Variants in CCL8 observed in about 807,000 individuals in gnomAD.
The protein encoded by CCL8 is C-C motif chemokine ligand 8, also known as C-C motif chemokine 8.
In CCL8, 3 loss-of-function variants were observed where a neutral mutation model predicts 6.6. That is an observed-to-expected ratio of 0.45 (90% CI 0.21 to 1.17). The LOEUF is 1.17. Among genes scored for constraint, CCL8 ranks in the 50% most tolerant of loss-of-function variants. The probability of loss-of-function intolerance (pLI) is 0.24; values close to 1 mark genes in which losing one functional copy is unlikely to be tolerated. For synonymous variants in CCL8, 49 were observed against 41.8 expected, an observed-to-expected ratio of 1.17 and a Z score of -0.67; for missense variants, 127 against 118.1, an observed-to-expected ratio of 1.08 and a Z score of -0.35.
intron 1 of CCL8, among the ~76,000 whole-genome samples, chr17:34,320,055 T>C (rs1022302650): frequency 1.3e-5 from 2 of 152,182 alleles, no homozygotes; most frequent in Non-Finnish European, 2.9e-5. Flanking sequence ...AGCTTGTTAC[T>C]CAAAATGTTT....
At chr17:34,319,664 C>G in intron 1 of CCL8, 87 bp downstream of exon 1, 1 of 1,045,510 alleles carries the variant, frequency 9.6e-7, no homozygotes, top group South Asian at 1.4e-5. Flanking sequence ...AAAACCAGAA[C>G]TAAAGGCTCA....
In CCL8 at chr17:34,321,242, A is replaced by G. The variant is rs1274446837; in HGVS notation, c.*335A>G. ...GTAGTGTTGTGGGGTCCTCCCATGG[A>G]TCATCAAGGTGAAACACTTTGGTAT... On this transcript the variant is annotated 3_prime_UTR_variant, in exon 3 of 3. Coordinates refer to ENST00000394620, the MANE Select transcript of CCL8 (RefSeq NM_005623.3). The G allele has an allele frequency of 4.2e-6, 1 of 236,284 alleles. No homozygotes were observed. Among genetic ancestry groups the G allele is most frequent in the African/African-American group, 2.3e-5 (1 of 42,812 alleles). 14.6% of individuals were successfully genotyped at this position (236,284 alleles called of 1,614,324 possible).
Position 34,320,993 on chromosome 17 carries a change from T to C in CCL8, c.*86T>C, listed in dbSNP as rs1909507220. The C allele has an allele frequency of 2.8e-6, 2 of 710,306 alleles. No homozygotes were observed. Among genetic ancestry groups the C allele is most frequent in the East Asian group, 6.0e-5 (2 of 33,446 alleles). 44.0% of individuals were successfully genotyped at this position (710,306 alleles called of 1,614,324 possible). A position where few individuals can be genotyped will look rare whatever the true frequency, so the allele number is the denominator to read the frequency against. ...TCCCCCAGGTGCAGTGTGACATTATTTTATTATAACATCCACAAAGAGATT... is the reference window on the plus strand; with the variant it reads ...TCCCCCAGGTGCAGTGTGACATTATCTTATTATAACATCCACAAAGAGATT... On this transcript the variant is annotated 3_prime_UTR_variant, in exon 3 of 3. Transcript: ENST00000394620.
At position 34,320,839 on chromosome 17, in the gene CCL8, C is replaced by T. The variant is rs151055256; in HGVS notation, c.232C>T (p.Pro78Ser). 4.3e-5 allele frequency: 69 copies of T among 1,611,172 alleles called. 1 individual carries two copies. The African/African-American group carries it at 7.5e-4, about 17-fold the overall frequency. The stretch of plus-strand genomic sequence containing the variant: ...ACGGGGCAAGGAGGTCTGTGCTGAC[C>T]CCAAGGAGAGATGGGTCAGGGATTC... ...TKRGKEVCAD[P>S]KERWVRDSMK... The change falls in exon 3 of 3, where the codon CCC (proline) becomes TCC (serine). Residue 78 changes from proline to serine, a missense_variant. By Grantham distance (74) the Pro-to-Ser change is moderately conservative (BLOSUM62 -1). Coordinates refer to ENST00000394620, the MANE Select transcript of CCL8 (RefSeq NM_005623.3).
At chr17:34,319,687 TGG>T in intron 1 of CCL8, 110 bp downstream of exon 1, 1 of 804,178 alleles carries the variant, frequency 1.2e-6, no homozygotes, top group Non-Finnish European at 2.0e-6. Flanking sequence ...TCACTGAGGC[TGG>T]TTCCCTTGAT....
At position 34,320,783 on chromosome 17, in the gene CCL8, T is replaced by C. The variant is rs1268137016; in HGVS notation, c.195-19T>C. The C allele has an allele frequency of 6.8e-7, 1 of 1,481,198 alleles. No homozygotes were observed. The allele number at this position is 1,481,198 out of a possible 1,614,324, so 91.8% of individuals were successfully genotyped here. On this transcript the variant is annotated intron_variant, in intron 2 of 2. Coordinates refer to ENST00000394620, the MANE Select transcript of CCL8 (RefSeq NM_005623.3). ...ATCTTCAAAGTCTTCCATCTAATTG[T>C]GCCCTCTCTCCCCCACAGCTTCAAG...
At chr17:34,320,752 T>C in intron 2 of CCL8, 50 bp from the exon 3 acceptor site, 1 of 1,201,852 alleles carries the variant, frequency 8.3e-7, no homozygotes. Context: ...CACAGTCCTG[T>C]GCAGGATCTT....
At position 34,319,481 on chromosome 17, in the gene CCL8, C is replaced by T. The variant is rs199714946; in HGVS notation, c.-21C>T. The T allele has an allele frequency of 3.0e-5, 49 of 1,611,786 alleles. No homozygotes were observed. The highest frequency in any genetic ancestry group is 4.1e-5 in the Non-Finnish European group (48 of 1,178,238). On this transcript the variant is annotated 5_prime_UTR_variant, in exon 1 of 3. Transcript: ENST00000394620. Reference sequence around the variant, plus strand: ...GAAACCTTCACCTCTCATGCTGAAGCTCACACCCTTGCCCTCCAAGATGAA... The same window carrying T: ...GAAACCTTCACCTCTCATGCTGAAGTTCACACCCTTGCCCTCCAAGATGAA...
In CCL8 at chr17:34,320,915, T is replaced by C. The variant is rs192852848; in HGVS notation, c.*8T>C. The C allele has an allele frequency of 3.6e-5, 56 of 1,564,618 alleles. No homozygotes were observed. The East Asian group carries it at 1.2e-3, about 34-fold the overall frequency. ...CAAAATCTGAAGCCATGAGCCTTCA[T>C]ACATGGACTGAGAGTCAGAGCTTGA... On this transcript the variant is annotated 3_prime_UTR_variant, in exon 3 of 3. Transcript: ENST00000394620.
rs150459473 is a variant in CCL8, at chr17:34,321,097, T to A, written c.*190T>A. The A allele has an allele frequency of 6.2e-4, 310 of 501,652 alleles. No homozygotes were observed. The highest frequency in any genetic ancestry group is 1.7e-3 in the South Asian group (54 of 32,666). The allele number at this position is 501,652 out of a possible 1,614,324, so 31.1% of individuals were successfully genotyped here. A position where few individuals can be genotyped will look rare whatever the true frequency, so the allele number is the denominator to read the frequency against. On this transcript the variant is annotated 3_prime_UTR_variant, in exon 3 of 3. Transcript: ENST00000394620. ...AAGTTGTTGATGTTTTAACTCTATC[T>A]GTCATACATCCTAGTGAATGTAAAA...
At position 34,320,352 on chromosome 17, in the gene CCL8, A is replaced by G. The variant is rs1909482357; in HGVS notation, c.160A>G (p.Ile54Val). The change falls in exon 2 of 3, where the codon ATC becomes GTC. Residue 54 changes from isoleucine to valine, a missense_variant. Ile to Val is a conservative substitution (Grantham distance 29). Transcript: ENST00000394620. The stretch of plus-strand genomic sequence containing the variant: ...CCAGAGGCTGGAGAGCTACACAAGA[A>G]TCACCAACATCCAATGTCCCAAGGA... The part of the protein sequence containing the change: ...PIQRLESYTR[I>V]TNIQCPKEAV... The G allele has an allele frequency of 1.2e-5, 19 of 1,613,264 alleles. No homozygotes were observed. The highest frequency in any genetic ancestry group is 1.6e-5 in the Non-Finnish European group (19 of 1,179,222).
chr17:34,320,360 C>T lies in CCL8; in HGVS notation c.168C>T (p.Asn56=). 2 of 1,612,224 alleles carry T rather than the reference C, an allele frequency of 1.2e-6. No homozygotes were observed. Among genetic ancestry groups the T allele is most frequent in the Non-Finnish European group, 1.7e-6 (2 of 1,178,306 alleles). ...TGGAGAGCTACACAAGAATCACCAA[C>T]ATCCAATGTCCCAAGGAAGCTGTGA... ...QRLESYTRIT[N]IQCPKEAVIF... is the part of the protein sequence containing the mutation. The change falls in exon 2 of 3, where the codon AAC becomes AAT. Residue 56 remains asparagine (N), a synonymous_variant. Coordinates refer to ENST00000394620, the MANE Select transcript of CCL8 (RefSeq NM_005623.3).
At chr17:34,319,678 C>T (rs1909463133) in intron 1 of CCL8, 101 bp downstream of exon 1, 2 of 881,166 alleles carry the variant, frequency 2.3e-6, no homozygotes, top group South Asian at 3.2e-5. Context: ...AGGCTCAGGT[C>T]ACTGAGGCTG....
Position 34,320,715 on chromosome 17 carries a change from G to C in CCL8, c.195-87G>C, listed in dbSNP as rs1597604688. The C allele has an allele frequency of 1.6e-5, 13 of 823,824 alleles. No homozygotes were observed. In the East Asian group the frequency reaches 3.4e-4, roughly 21 times the overall value. The allele number at this position is 823,824 out of a possible 1,614,324, so 51.0% of individuals were successfully genotyped here. ...CGGGTCCTTCACCTAAGGACCAAGG[G>C]CTGATCAGTTCTAGGGACCAATGGC... On this transcript the variant is annotated intron_variant, in intron 2 of 2. Coordinates refer to ENST00000394620, the MANE Select transcript of CCL8 (RefSeq NM_005623.3).
intron 2 of CCL8, 110 bp downstream of exon 2, chr17:34,320,496 C>T: frequency 1.4e-6 from 1 of 728,916 alleles, no homozygotes; most frequent in Non-Finnish European, 2.4e-6. Context: ...ATCCAAAGGG[C>T]CCCTCTACCC....
In CCL8 at chr17:34,319,468, TC is replaced by T; in HGVS notation, c.-33del. On this transcript the variant is annotated 5_prime_UTR_variant, in exon 1 of 3. Transcript: ENST00000394620. ...TGAGAACAACCCAGAAACCTTCACCTCTCATGCTGAAGCTCACACCCTTGCC... is the reference window on the plus strand; with the variant it reads ...TGAGAACAACCCAGAAACCTTCACCTTCATGCTGAAGCTCACACCCTTGCC... The T allele has an allele frequency of 6.2e-7, 1 of 1,602,220 alleles. No individual in the cohort carries two copies.
In CCL8 at chr17:34,320,330, G is replaced by A. The variant is rs1284835607; in HGVS notation, c.138G>A (p.Gln46=). The change falls in exon 2 of 3, where the codon CAG becomes CAA. Residue 46 remains glutamine, a synonymous_variant. Transcript: ENST00000394620. ...TGATCAATAGGAAAATTCCTATCCA[G>A]AGGCTGGAGAGCTACACAAGAATCA... The part of the protein sequence containing the change: ...FNVINRKIPI[Q]RLESYTRITN... 4 of 1,613,700 alleles carry A rather than the reference G, an allele frequency of 2.5e-6. No individual in the cohort carries two copies. The Admixed American group carries it at 6.7e-5, about 27-fold the overall frequency.
At position 34,320,906 on chromosome 17, in the gene CCL8, G is replaced by A. The variant is rs766344817; in HGVS notation, c.299G>A (p.Ter100=). ...LDQIFQNLKP[*] ...CAAATATTTCAAAATCTGAAGCCAT[G>A]AGCCTTCATACATGGACTGAGAGTC... Residue 100 remains the stop codon, a stop_retained_variant, in exon 3 of 3, where the codon TGA becomes TAA. Transcript: ENST00000394620. 1.9e-6 allele frequency: 3 copies of A among 1,597,398 alleles called. No homozygotes were observed. The Admixed American group carries it at 5.1e-5, about 27-fold the overall frequency.
intron 2 of CCL8, 98 bp downstream of exon 2, chr17:34,320,484 C>A (rs928655442): frequency 1.2e-5 from 10 of 804,390 alleles, no homozygotes; most frequent in Non-Finnish European, 1.9e-5. Flanking sequence ...CATATAACTT[C>A]TATCCAAAGG....
Sources: allele counts gnomAD v4.1 joint callset (sites outside exome capture counted in the v4.1 genomes callset), GRCh38; gene constraint gnomAD v4.1.1; transcripts MANE v1.5; gene names NCBI Gene and HGNC (gene_info 2026-07-23, HGNC 2026-07-21).